MAGI3: variants seen among roughly 807,000 people sequenced by gnomAD.
The protein encoded by MAGI3 is membrane associated guanylate kinase, WW and PDZ domain containing 3, also known as membrane-associated guanylate kinase, WW and PDZ domain-containing protein 3.
MAGI3 carries 43 observed loss-of-function variants against 121.8 expected under a neutral mutation model. That is an observed-to-expected ratio of 0.35 (90% CI 0.28 to 0.46). MAGI3 has a LOEUF of 0.46. Ranked by LOEUF, MAGI3 falls within the 20% of genes least tolerant of loss-of-function variation. The pLI, the probability that MAGI3 is intolerant of heterozygous loss-of-function variation, is 1.00. For missense variants in MAGI3, 1,547 were observed against 1,797.3 expected, an observed-to-expected ratio of 0.86 and a Z score of 2.52; for synonymous variants, 553 against 639.3, an observed-to-expected ratio of 0.86 and a Z score of 2.04.
intron 9 of MAGI3, among the ~76,000 whole-genome samples, chr1:113,639,351 G>T (rs936851552): frequency 6.6e-6 from 1 of 152,202 alleles, no homozygotes; most frequent in African/African-American, 2.4e-5. Context: ...CTGTAGACCG[G>T]AGCTGTTCCT....
At chr1:113,427,874 T>A (rs1653092078) in intron 1 of MAGI3, among the ~76,000 whole-genome samples, 1 of 152,190 alleles carries the variant, frequency 6.6e-6, no homozygotes. Context: ...TTAAAATGAA[T>A]CAAAATTGGC....
At position 113,472,790 on chromosome 1, in the gene MAGI3, A is replaced by G. The variant is rs1045942041; in HGVS notation, c.317-76725A>G. 3.3e-5 allele frequency among the ~76,000 whole-genome samples: 5 copies of G among 151,982 alleles called. 1 individual carries two copies. The Middle Eastern group carries it at 0.014, about 414-fold the overall frequency. ...CCATGAGGCTTACTGAATACATCTT[A>G]TAACAGTCTATTTTAAACTGATAAC... is the stretch of plus-strand genomic sequence containing the variant. On this transcript the variant is annotated intron_variant, in intron 1 of 20. Coordinates refer to ENST00000307546, the MANE Select transcript of MAGI3 (RefSeq NM_001142782.2).
intron 1 of MAGI3, among the ~76,000 whole-genome samples, chr1:113,452,113 C>A (rs1237018958): frequency 1.3e-5 from 2 of 152,094 alleles, no homozygotes; most frequent in Non-Finnish European, 2.9e-5. Flanking sequence ...AGAAGCAGGG[C>A]AAACTGTTGA....
chr1:113,531,252 C>T (rs2101640834), intron 1 of MAGI3, among the ~76,000 whole-genome samples: 1 of 152,160 alleles, frequency 6.6e-6, no homozygotes, highest in African/African-American at 2.4e-5. Flanking sequence ...TTAACAGTCA[C>T]TGGAACAATT....
chr1:113,632,649 A>T (rs1651706533), intron 9 of MAGI3, among the ~76,000 whole-genome samples: 1 of 152,196 alleles, frequency 6.6e-6, no homozygotes, highest in African/African-American at 2.4e-5. Flanking sequence ...TTTTAGAGGG[A>T]TTTATTAAGC....
intron 1 of MAGI3, among the ~76,000 whole-genome samples, chr1:113,486,116 C>A (rs1334023654): frequency 6.6e-6 from 1 of 152,082 alleles, no homozygotes; most frequent in African/African-American, 2.4e-5. Flanking sequence ...CAGATTTGTT[C>A]TTTTTGCTTA....
At chr1:113,656,868 C>T (rs1207145168) in intron 15 of MAGI3, among the ~76,000 whole-genome samples, 1 of 152,194 alleles carries the variant, frequency 6.6e-6, no homozygotes, top group African/African-American at 2.4e-5. Flanking sequence ...CTAGCATCCT[C>T]ACAATTTGTC....
At chr1:113,669,735 G>A (rs1312801646) in intron 16 of MAGI3, among the ~76,000 whole-genome samples, 1 of 152,024 alleles carries the variant, frequency 6.6e-6, no homozygotes, top group Non-Finnish European at 1.5e-5. Flanking sequence ...TCACCATGTT[G>A]GCCAGGCTGG....
chr1:113,559,654 G>A (rs976875555), intron 2 of MAGI3, among the ~76,000 whole-genome samples: 8 of 151,598 alleles, frequency 5.3e-5, no homozygotes, highest in African/African-American at 4.9e-5. Flanking sequence ...TGCAGCCTCC[G>A]CCTCCTGGAT....
At chr1:113,609,639 A>G (rs953261247) in intron 6 of MAGI3, among the ~76,000 whole-genome samples, 2 of 152,244 alleles carry the variant, frequency 1.3e-5, no homozygotes, top group African/African-American at 4.8e-5. Context: ...GAGCTTAGAG[A>G]ATGATTAAAA....
intron 2 of MAGI3, among the ~76,000 whole-genome samples, chr1:113,558,720 G>A (rs1318230833): frequency 6.6e-6 from 1 of 152,108 alleles, no homozygotes; most frequent in Non-Finnish European, 1.5e-5. Context: ...GAGAACCCCA[G>A]TAAGATACTC....
intron 11 of MAGI3, among the ~76,000 whole-genome samples, chr1:113,645,731 A>G (rs1213033441): frequency 6.6e-6 from 1 of 152,176 alleles, no homozygotes; most frequent in Non-Finnish European, 1.5e-5. Flanking sequence ...AATGATCACA[A>G]ACATCCATAA....
intron 1 of MAGI3, among the ~76,000 whole-genome samples, chr1:113,445,787 A>G (rs1418809379): frequency 4.6e-5 from 7 of 152,198 alleles, no homozygotes; most frequent in Admixed American, 1.3e-4. Flanking sequence ...CAATAATTCT[A>G]TGTCTGGCAA....
chr1:113,650,400 C>T (rs1461101839), intron 13 of MAGI3, among the ~76,000 whole-genome samples: 1 of 152,228 alleles, frequency 6.6e-6, no homozygotes, highest in Admixed American at 6.5e-5. Flanking sequence ...CAGATTTTAG[C>T]AGCTCTGAAA....
chr1:113,430,334 T>C (rs887456799), intron 1 of MAGI3, among the ~76,000 whole-genome samples: 1 of 152,154 alleles, frequency 6.6e-6, no homozygotes, highest in Non-Finnish European at 1.5e-5. Context: ...GGAAGCATTA[T>C]ACTTAACAGA....
rs371893312 is a variant in MAGI3 at position 113,683,426 on chromosome 1, G to A, written c.3858G>A (p.Ser1286=). 1,169 of 1,613,922 alleles carry A rather than the reference G, an allele frequency of 7.2e-4. 1 individual carries two copies. Among genetic ancestry groups the A allele is most frequent in the Non-Finnish European group, 9.4e-4 (1,107 of 1,179,874 alleles). The part of the protein sequence containing the change: ...QDQCRKSRGR[S]ASPKKQQKIE... ...AGTGCAGAAAAAGCAGAGGTCGGTC[G>A]GCCAGCCCAAAAAAGCAGCAAAAAA... Residue 1286 remains serine (S), a synonymous_variant, in exon 21 of 21, where the codon TCG becomes TCA. Coordinates refer to ENST00000307546, the MANE Select transcript of MAGI3 (RefSeq NM_001142782.2).
At chr1:113,638,013 T>C (rs1009691671) in intron 9 of MAGI3, among the ~76,000 whole-genome samples, 31 of 152,260 alleles carry the variant, frequency 2.0e-4, no homozygotes, top group Non-Finnish European at 2.9e-4. Flanking sequence ...TTCTTTCAGT[T>C]GATCGCATCG....
At chr1:113,627,679 G>A (rs944506383) in intron 9 of MAGI3, among the ~76,000 whole-genome samples, 10 of 150,396 alleles carry the variant, frequency 6.6e-5, no homozygotes, top group Non-Finnish European at 1.2e-4. Context: ...AGTAACACTT[G>A]CTTTATGTGT....
rs1553181558 is a variant in MAGI3 at position 113,407,584 on chromosome 1, T to TTA, written c.316+16235_316+16236insTA. 1.5e-3 allele frequency among the ~76,000 whole-genome samples: 220 copies of TTA among 150,808 alleles called. 2 individuals are homozygous for TTA. The highest frequency in any genetic ancestry group is 2.9e-3 in the Non-Finnish European group (196 of 67,596). ...TCCATCAATCTGTCTTTTTTTTTTT[T>TTA]ATGCCTTTCAATGTAAATTGCAATG... On this transcript the variant is annotated intron_variant, in intron 1 of 20. Coordinates refer to ENST00000307546, the MANE Select transcript of MAGI3 (RefSeq NM_001142782.2).
Sources: allele counts gnomAD v4.1 joint callset (sites outside exome capture counted in the v4.1 genomes callset), GRCh38; gene constraint gnomAD v4.1.1; transcripts MANE v1.5; gene names NCBI Gene and HGNC (gene_info 2026-07-23, HGNC 2026-07-21).